Variants in LRFN1 observed in about 807,000 individuals in gnomAD.
The protein encoded by LRFN1 is leucine-rich repeat and fibronectin type III domain-containing protein 1.
A neutral mutation model predicts 31.8 loss-of-function variants in LRFN1; 20 were observed. That is an observed-to-expected ratio of 0.63 (90% CI 0.44 to 0.91). LRFN1 has a LOEUF of 0.91. LRFN1 is among the 40% of genes least tolerant of loss of function. The pLI, the probability that LRFN1 is intolerant of heterozygous loss-of-function variation, is 0.00. For missense variants in LRFN1, 912 were observed against 1,129.8 expected, an observed-to-expected ratio of 0.81 and a Z score of 2.76; for synonymous variants, 514 against 541.3, an observed-to-expected ratio of 0.95 and a Z score of 0.70.
At chr19:39,311,926 A>G (rs970181677) in intron 4 of LRFN1, among the ~76,000 whole-genome samples, 2 of 145,916 alleles carry the variant, frequency 1.4e-5, no homozygotes, top group East Asian at 2.0e-4. Flanking sequence ...CTGTCACCCA[A>G]TGGCGCAATC....
At position 39,314,468 on chromosome 19, in the gene LRFN1, G is replaced by A; in HGVS notation, c.869C>T (p.Pro290Leu). 6.2e-7 allele frequency: 1 copy of A among 1,610,476 alleles called. No individual in the cohort carries two copies. The highest frequency in any genetic ancestry group is 1.1e-5 in the South Asian group (1 of 90,788). ...GGGCTCACACAGGAACTCCTCCTCG[G>A]GGATGGACCAGAAGTAGCGGTCGGT... ...HLTDRYFWSIPEEEFLCEPPL... is the reference protein window; with the variant it reads ...HLTDRYFWSILEEEFLCEPPL... Residue 290 changes from proline to leucine, a missense_variant, in exon 4 of 5, where the codon CCC becomes CTC. Pro to Leu is a moderately conservative substitution (Grantham distance 98). This residue lies in a region of LRFN1 where 401 missense variants were observed against 572.7 expected (regional missense o/e 0.70). Coordinates refer to ENST00000248668, the MANE Select transcript of LRFN1 (RefSeq NM_020862.2).
At chr19:39,316,969 T>G (rs1413085717) in intron 2 of LRFN1, among the ~76,000 whole-genome samples, 1 of 151,970 alleles carries the variant, frequency 6.6e-6, no homozygotes, top group African/African-American at 2.4e-5. Flanking sequence ...GCTTTGATCT[T>G]CCTGCCAGTG....
intron 4 of LRFN1, among the ~76,000 whole-genome samples, chr19:39,311,648 C>A (rs563941508): frequency 6.6e-6 from 1 of 152,310 alleles, no homozygotes; most frequent in African/African-American, 2.4e-5. Context: ...GGTCATCACG[C>A]CTTCATAGCG....
chr19:39,320,050 A>C, intron 1 of LRFN1, among the ~76,000 whole-genome samples: 2 of 104,740 alleles, frequency 1.9e-5, no homozygotes, highest in African/African-American at 7.6e-5. Context: ...CCATCTGTCC[A>C]TTTCTCGGCC....
Position 39,314,118 on chromosome 19 carries a change from C to T in LRFN1, c.1219G>A (p.Gly407Ser), listed in dbSNP as rs1168390267. Residue 407 changes from glycine to serine, a missense_variant, in exon 4 of 5, where the codon GGC becomes AGC. Gly to Ser is a moderately conservative substitution (Grantham distance 56, BLOSUM62 0). Transcript: ENST00000248668. ...PAAPPPLTEP[G>S]SSDIATPGRP... is the part of the protein sequence containing the mutation. ...CCCGGCGTGGCGATGTCAGAGGAGC[C>T]GGGCTCGGTGAGAGGCGGCGGGGCA... The T allele has an allele frequency of 3.7e-6, 6 of 1,612,138 alleles. No individual in the cohort carries two copies. The highest frequency in any genetic ancestry group is 1.1e-5 in the South Asian group (1 of 90,982).
intron 4 of LRFN1, among the ~76,000 whole-genome samples, chr19:39,310,718 C>T (rs563289730): frequency 3.9e-5 from 6 of 152,296 alleles, no homozygotes; most frequent in African/African-American, 1.4e-4. Context: ...AGCTCCACCC[C>T]CTCTGACAGG....
Position 39,314,115 on chromosome 19 carries a change from A to T in LRFN1, c.1222T>A (p.Ser408Thr). ...AAPPPLTEPG[S>T]SDIATPGRPG... The stretch of plus-strand genomic sequence containing the variant: ...CTGCCCGGCGTGGCGATGTCAGAGG[A>T]GCCGGGCTCGGTGAGAGGCGGCGGG... Residue 408 changes from serine to threonine, a missense_variant, in exon 4 of 5, where the codon TCC becomes ACC. Physicochemically the swap from Ser to Thr is moderately conservative, Grantham distance 58. Transcript: ENST00000248668. 1 of 1,612,256 alleles carries T rather than the reference A, an allele frequency of 6.2e-7. No homozygotes were observed. The highest frequency in any genetic ancestry group is 8.5e-7 in the Non-Finnish European group (1 of 1,179,208).
At chr19:39,317,025 G>A (rs1600485921) in intron 2 of LRFN1, among the ~76,000 whole-genome samples, 1 of 152,212 alleles carries the variant, frequency 6.6e-6, no homozygotes, top group African/African-American at 2.4e-5. Context: ...AGACAGAGGT[G>A]AAGAGAGACA....
rs1042765589 is a variant in LRFN1 at position 39,307,617 on chromosome 19, G to A, written c.*16C>T. The A allele has an allele frequency of 2.2e-6, 3 of 1,383,024 alleles. No individual in the cohort carries two copies. Among genetic ancestry groups the A allele is most frequent in the South Asian group, 3.3e-5 (2 of 61,100 alleles). 85.7% of individuals were successfully genotyped at this position (1,383,024 alleles called of 1,614,324 possible). A position where few individuals can be genotyped will look rare whatever the true frequency, so the allele number is the denominator to read the frequency against. ...TTGGTCTGCGGCACCCAGGCGTCCCGGCGCCCGCCCGCCGCTCACACGGTA... is the reference window on the plus strand; with the variant it reads ...TTGGTCTGCGGCACCCAGGCGTCCCAGCGCCCGCCCGCCGCTCACACGGTA... On this transcript the variant is annotated 3_prime_UTR_variant, in exon 5 of 5. Transcript: ENST00000248668. The surrounding 1 kb of genome is among the most constrained non-coding windows in gnomAD (Gnocchi z 6.7).
In LRFN1 at chr19:39,315,294, G is replaced by T. The variant is rs1344081652; in HGVS notation, c.43C>A (p.Pro15Thr). ...AGCAGCAGAAAGGGCAGGGCAGCGG[G>T]CGGCGGCGAGAGGAGGGCCGAGGAG... is the stretch of plus-strand genomic sequence containing the variant. ...PFSSALLSPP[P>T]AALPFLLLLW... Residue 15 changes from proline to threonine, a missense_variant, in exon 4 of 5, where the codon CCC (proline) becomes ACC (threonine). By Grantham distance (38) the Pro-to-Thr change is conservative. Transcript: ENST00000248668. This position sits in a 1 kb window ranked among gnomAD's most constrained non-coding sequence, Gnocchi z 4.7. 1.3e-6 allele frequency: 2 copies of T among 1,499,032 alleles called. No homozygotes were observed. The highest frequency in any genetic ancestry group is 1.8e-6 in the Non-Finnish European group (2 of 1,127,596). 92.9% of individuals were successfully genotyped at this position (1,499,032 alleles called of 1,614,324 possible). A position where few individuals can be genotyped will look rare whatever the true frequency, so the allele number is the denominator to read the frequency against.
In LRFN1 at chr19:39,318,884, C is replaced by T. The variant is rs373920293; in HGVS notation, c.-125-526G>A. Among the ~76,000 whole-genome samples, 55 of 152,342 alleles carry T rather than the reference C, an allele frequency of 3.6e-4. No individual in the cohort carries two copies. The South Asian group carries it at 9.9e-3, about 28-fold the overall frequency. On this transcript the variant is annotated intron_variant, in intron 1 of 4. Transcript: ENST00000248668. ...ATAGCAACATGATCTGTGTGCCCTC[C>T]GCCCTCTATGGGCACTTGGCCTGGC...
intron 4 of LRFN1, among the ~76,000 whole-genome samples, chr19:39,311,875 CTTT>C (rs562002567): frequency 2.0e-5 from 2 of 100,660 alleles, no homozygotes; most frequent in African/African-American, 4.2e-5. Context: ...AAAAGGGAGG[CTTT>C]TTTTTTTTTT....
At position 39,320,105 on chromosome 19, in the gene LRFN1, C is replaced by T. The variant is rs530437324; in HGVS notation, c.-126+688G>A. ...GTCCACCTCCTGGCCGCCCATCCCC[C>T]CCCCGCAACCACCGGGAAGGGGAAG... On this transcript the variant is annotated intron_variant, in intron 1 of 4. Transcript: ENST00000248668. 2.3e-4 allele frequency among the ~76,000 whole-genome samples: 34 copies of T among 149,778 alleles called. 1 individual carries two copies. In the South Asian group the frequency reaches 7.3e-3, roughly 32 times the overall value.
Position 39,307,551 on chromosome 19 carries a change from C to T in LRFN1, c.*82G>A. 3.0e-6 allele frequency: 4 copies of T among 1,321,262 alleles called. No individual in the cohort carries two copies. The highest frequency in any genetic ancestry group is 3.9e-6 in the Non-Finnish European group (4 of 1,033,526). 81.8% of individuals were successfully genotyped at this position (1,321,262 alleles called of 1,614,324 possible). The stretch of plus-strand genomic sequence containing the variant: ...TCTGGTCCAATGTCTTGGCGCTGCG[C>T]TTTCTCCCAGTCCCGCCCCAGCGTC... On this transcript the variant is annotated 3_prime_UTR_variant, in exon 5 of 5. Transcript: ENST00000248668. The surrounding 1 kb of genome is among the most constrained non-coding windows in gnomAD (Gnocchi z 6.7).
Position 39,315,157 on chromosome 19 carries a change from C to T in LRFN1, c.180G>A (p.Pro60=). 6.3e-7 allele frequency: 1 copy of T among 1,590,424 alleles called. No individual in the cohort carries two copies. The highest frequency in any genetic ancestry group is 8.5e-7 in the Non-Finnish European group (1 of 1,175,310). Residue 60 remains proline (P), a synonymous_variant, in exon 4 of 5, where the codon CCG becomes CCA. Coordinates refer to ENST00000248668, the MANE Select transcript of LRFN1 (RefSeq NM_020862.2). The surrounding 1 kb of genome is among the most constrained non-coding windows in gnomAD (Gnocchi z 4.7). ...LCAKTGLLFV[P]PAIDRRVVEL... Reference sequence around the variant, plus strand: ...CCACCACGCGCCGGTCGATGGCGGGCGGCACAAAGAGCAAGCCGGTCTTGG... The same window carrying T: ...CCACCACGCGCCGGTCGATGGCGGGTGGCACAAAGAGCAAGCCGGTCTTGG...
chr19:39,315,280 G>T lies in LRFN1; in HGVS notation c.57C>A (p.Pro19=). 1 of 1,518,048 alleles carries T rather than the reference G, an allele frequency of 6.6e-7. No homozygotes were observed. The highest frequency in any genetic ancestry group is 1.2e-5 in the South Asian group (1 of 80,566). 94.0% of individuals were successfully genotyped at this position (1,518,048 alleles called of 1,614,324 possible). ...ALLSPPPAAL[P]FLLLLWAGAS... ...CCCCCGCCCAGAGCAGCAGCAGAAA[G>T]GGCAGGGCAGCGGGCGGCGGCGAGA... Residue 19 remains proline, a synonymous_variant, in exon 4 of 5, where the codon CCC becomes CCA. Coordinates refer to ENST00000248668, the MANE Select transcript of LRFN1 (RefSeq NM_020862.2). The surrounding 1 kb of genome is among the most constrained non-coding windows in gnomAD (Gnocchi z 4.7).
chr19:39,318,448 G>C (rs1230243466), intron 1 of LRFN1, 90 bp from the exon 2 acceptor site: 1 of 152,280 alleles, frequency 6.6e-6, no homozygotes, highest in Admixed American at 6.5e-5. Flanking sequence ...GGCCAAGGAA[G>C]TCCCTGGTGT....
intron 4 of LRFN1, 80 bp downstream of exon 4, chr19:39,313,851 G>A (rs1428705820): frequency 5.1e-6 from 7 of 1,372,448 alleles, no homozygotes; most frequent in Non-Finnish European, 7.0e-6. Flanking sequence ...TGAGCAAGAA[G>A]GCCAAGGGAA....
At position 39,314,992 on chromosome 19, in the gene LRFN1, G is replaced by GGACACGGTGC. The variant is rs1568569991; in HGVS notation, c.344_345insGCACCGTGTC (p.Arg116HisfsTer46). Reference sequence around the variant, plus strand: ...GGTTGCTGTCCAGGTGCAGGGCCCGGAGGGCACGCAGGTCGGCGAAGGCGC... The same window carrying GGACACGGTGC: ...GGTTGCTGTCCAGGTGCAGGGCCCGGGACACGGTGCAGGGCACGCAGGTCGGCGAAGGCGC... On this transcript the variant is annotated frameshift_variant, in exon 4 of 5. Coordinates refer to ENST00000248668, the MANE Select transcript of LRFN1 (RefSeq NM_020862.2). LOFTEE classifies it high-confidence loss of function. 1 of 1,592,158 alleles carries GGACACGGTGC rather than the reference G, an allele frequency of 6.3e-7. No individual in the cohort carries two copies. The highest frequency in any genetic ancestry group is 1.3e-5 in the African/African-American group (1 of 74,768).
Sources: allele counts gnomAD v4.1 joint callset (sites outside exome capture counted in the v4.1 genomes callset), GRCh38; gene constraint gnomAD v4.1.1; regional missense constraint gnomAD v4.1.1; non-coding constraint Gnocchi (gnomAD v3.1); transcripts MANE v1.5; gene names NCBI Gene and HGNC (gene_info 2026-07-23, HGNC 2026-07-21).